LRMDA: variants seen among roughly 807,000 people sequenced by gnomAD.
LRMDA encodes leucine rich melanocyte differentiation associated.
In LRMDA, 18 loss-of-function variants were observed where a neutral mutation model predicts 29.8. The observed-to-expected ratio is 0.60, with a 90% CI of 0.42 to 0.90. LRMDA has a LOEUF of 0.90. LRMDA is among the 40% of genes least tolerant of loss of function. LRMDA has a pLI of 0.00. For missense variants in LRMDA, 273 were observed against 273.9 expected (o/e 1.00, Z 0.02); for synonymous variants, 125 against 109.4 (o/e 1.14, Z -0.89).
intron 2 of LRMDA, among the ~76,000 whole-genome samples, chr10:75,721,876 G>A (rs1472079664): frequency 1.3e-5 from 2 of 152,096 alleles, no homozygotes. Flanking sequence ...ATAGATCTTC[G>A]TAGCAACAAC....
intron 2 of LRMDA, among the ~76,000 whole-genome samples, chr10:75,717,816 T>C (rs1842519429): frequency 6.6e-6 from 1 of 152,232 alleles, no homozygotes. Context: ...GGAAATATTC[T>C]TTGTTCATTA....
chr10:75,872,993 G>T (rs1460710348), intron 2 of LRMDA, among the ~76,000 whole-genome samples: 1 of 152,154 alleles, frequency 6.6e-6, no homozygotes, highest in Non-Finnish European at 1.5e-5. Context: ...CTGTTGGAAT[G>T]AATTAATTTG....
intron 2 of LRMDA, among the ~76,000 whole-genome samples, chr10:75,731,367 T>C (rs1400094799): frequency 6.6e-6 from 1 of 152,248 alleles, no homozygotes; most frequent in African/African-American, 2.4e-5. Flanking sequence ...GCACTTTCTG[T>C]GTATCATTAT....
chr10:75,864,719 T>G (rs1844992095), intron 2 of LRMDA, among the ~76,000 whole-genome samples: 1 of 152,246 alleles, frequency 6.6e-6, no homozygotes, highest in South Asian at 2.1e-4. Flanking sequence ...ATCATCTTGC[T>G]TCAGATTTTC....
At chr10:76,082,058 G>T (rs1018427420) in intron 5 of LRMDA, among the ~76,000 whole-genome samples, 3 of 151,910 alleles carry the variant, frequency 2.0e-5, no homozygotes, top group African/African-American at 7.3e-5. Context: ...ACAGGTTTAG[G>T]ACTGCACAGA....
At chr10:76,139,135 A>G (rs866269379) in intron 5 of LRMDA, among the ~76,000 whole-genome samples, 3 of 152,308 alleles carry the variant, frequency 2.0e-5, no homozygotes, top group Middle Eastern at 3.4e-3. Flanking sequence ...GACAGAGAAC[A>G]TTAGACTTCA....
At chr10:75,510,535 G>T (rs1468241102) in intron 2 of LRMDA, among the ~76,000 whole-genome samples, 2 of 152,184 alleles carry the variant, frequency 1.3e-5, no homozygotes, top group Admixed American at 6.5e-5. Context: ...ACACATGAGG[G>T]TATGAGAGGC....
chr10:76,384,132 T>C lies in LRMDA; in HGVS notation c.601+59647T>C, dbSNP rs186262085. 1.1e-4 allele frequency among the ~76,000 whole-genome samples: 16 copies of C among 152,328 alleles called. No individual in the cohort carries two copies. The East Asian group carries it at 3.1e-3, about 29-fold the overall frequency. The stretch of plus-strand genomic sequence containing the variant: ...GATGTGTTCAGTCATTCTTGCTGAA[T>C]GAATGGTTTCCCTGTTCTTTGGGTG... On this transcript the variant is annotated intron_variant, in intron 6 of 6. Transcript: ENST00000611255.
chr10:75,528,272 C>T (rs909282813), intron 2 of LRMDA, among the ~76,000 whole-genome samples: 7 of 152,294 alleles, frequency 4.6e-5, no homozygotes, highest in South Asian at 2.1e-4. Context: ...ATCTCTCATT[C>T]GACAACTTTG....
At chr10:75,821,570 C>T (rs1477952396) in intron 2 of LRMDA, among the ~76,000 whole-genome samples, 1 of 152,052 alleles carries the variant, frequency 6.6e-6, no homozygotes, top group Non-Finnish European at 1.5e-5. Context: ...GAGATTGAGA[C>T]CATCCTGGCT....
chr10:75,698,340 AAC>A (rs1428431778), intron 2 of LRMDA, among the ~76,000 whole-genome samples: 3 of 152,228 alleles, frequency 2.0e-5, no homozygotes, highest in Non-Finnish European at 2.9e-5. Flanking sequence ...GCAAAGTAAG[AAC>A]ACTGGCCCTT....
rs931517926 is a variant in LRMDA, at chr10:76,378,951, G to A, written c.601+54466G>A. ...GGCTCACTGCAACCTCTGCTTCCCCGGTTCAAACAATTCTTCTGCCTCAGT... is the reference window on the plus strand; with the variant it reads ...GGCTCACTGCAACCTCTGCTTCCCCAGTTCAAACAATTCTTCTGCCTCAGT... On this transcript the variant is annotated intron_variant, in intron 6 of 6. Transcript: ENST00000611255. Among the ~76,000 whole-genome samples the A allele has an allele frequency of 5.7e-5, 8 of 139,872 alleles. No individual in the cohort carries two copies. In the East Asian group the frequency reaches 6.4e-4, roughly 11 times the overall value. 91.8% of individuals were successfully genotyped at this position (139,872 alleles called of 152,430 possible).
rs888290663 is a variant in LRMDA, at chr10:76,152,496, G to A, written c.516+93713G>A. On this transcript the variant is annotated intron_variant, in intron 5 of 6. Coordinates refer to ENST00000611255, the MANE Select transcript of LRMDA (RefSeq NM_001305581.2). ...AATAATGCTGCTATTAATATTTTTT[G>A]TATACGTTTTTGTGTGAATATGTTT... 2.0e-5 allele frequency among the ~76,000 whole-genome samples: 3 copies of A among 152,012 alleles called. No individual in the cohort carries two copies. In the South Asian group the frequency reaches 6.2e-4, roughly 31 times the overall value.
chr10:75,662,049 C>A (rs2132135505), intron 2 of LRMDA, among the ~76,000 whole-genome samples: 1 of 151,942 alleles, frequency 6.6e-6, no homozygotes, highest in East Asian at 1.9e-4. Flanking sequence ...AAAATGTAAA[C>A]TGAGGACCTT....
intron 5 of LRMDA, among the ~76,000 whole-genome samples, chr10:76,168,277 G>T (rs945774171): frequency 6.6e-6 from 1 of 152,120 alleles, no homozygotes; most frequent in Admixed American, 6.6e-5. Flanking sequence ...TTGACTCCTA[G>T]GAAAGTCTGG....
chr10:75,757,363 G>T (rs1843044587), intron 2 of LRMDA, among the ~76,000 whole-genome samples: 1 of 152,184 alleles, frequency 6.6e-6, no homozygotes, highest in Admixed American at 6.5e-5. Flanking sequence ...GATGCAGTGT[G>T]TCCCAAATGC....
chr10:76,126,439 G>T (rs761804598), intron 5 of LRMDA, among the ~76,000 whole-genome samples: 2 of 152,200 alleles, frequency 1.3e-5, no homozygotes, highest in Non-Finnish European at 2.9e-5. Context: ...ACCTGTGGCT[G>T]CAGGAATTAT....
Position 75,431,733 on chromosome 10 carries a change from G to C in LRMDA, c.9G>C (p.Gly3=), listed in dbSNP as rs942101096. The change falls in exon 1 of 7, where the codon GGG becomes GGC. Residue 3 remains glycine, a synonymous_variant. Coordinates refer to ENST00000611255, the MANE Select transcript of LRMDA (RefSeq NM_001305581.2). MA[G]LVVRGTQVSY... Reference sequence around the variant, plus strand: ...GCAGCGTCCTGGCCGCCATGGCCGGGCTCGTGGTGCGTGGAACTCAAGTAA... The same window carrying C: ...GCAGCGTCCTGGCCGCCATGGCCGGCCTCGTGGTGCGTGGAACTCAAGTAA... 187 of 1,366,092 alleles carry C rather than the reference G, an allele frequency of 1.4e-4. No homozygotes were observed. The African/African-American group carries it at 2.6e-3, about 19-fold the overall frequency. 84.6% of individuals were successfully genotyped at this position (1,366,092 alleles called of 1,614,324 possible).
intron 2 of LRMDA, among the ~76,000 whole-genome samples, chr10:75,559,447 A>G (rs1162173882): frequency 6.6e-6 from 1 of 151,516 alleles, no homozygotes; most frequent in Non-Finnish European, 1.5e-5. Flanking sequence ...TTGTCAGATG[A>G]GTAGGTTGCG....
Sources: allele counts gnomAD v4.1 joint callset (sites outside exome capture counted in the v4.1 genomes callset), GRCh38; gene constraint gnomAD v4.1.1; transcripts MANE v1.5; gene names NCBI Gene and HGNC (gene_info 2026-07-23, HGNC 2026-07-21).